The following CHD6 variants were observed in gnomAD, a reference collection of about 807,000 sequenced individuals.
CHD6 encodes the protein ATP-dependent chromatin remodeler CHD6.
In CHD6, 50 loss-of-function variants were observed where a neutral mutation model predicts 276.9. The ratio of observed to expected loss-of-function variants is 0.18; its 90% CI spans 0.14 to 0.23. The LOEUF is 0.23. CHD6 is among the 10% of genes least tolerant of loss of function. CHD6 has a pLI of 1.00. For synonymous variants in CHD6, 1,173 were observed against 1,229.3 expected, an observed-to-expected ratio of 0.95 and a Z score of 0.96; for missense variants, 2,564 against 3,365.8, an observed-to-expected ratio of 0.76 and a Z score of 5.89.
chr20:41,418,522 T>C (rs563165499), intron 31 of CHD6, among the ~76,000 whole-genome samples: 2 of 151,876 alleles, frequency 1.3e-5, no homozygotes, highest in Non-Finnish European at 2.9e-5. Flanking sequence ...AATAGAAAAT[T>C]TAGATTTTAT....
chr20:41,512,289 G>C (rs2044138179), intron 5 of CHD6, among the ~76,000 whole-genome samples: 1 of 151,974 alleles, frequency 6.6e-6, no homozygotes, highest in South Asian at 2.1e-4. Flanking sequence ...TTTAATGAGA[G>C]ACAAGTAAAA....
chr20:41,417,208 T>G lies in CHD6; in HGVS notation c.6269A>C (p.Glu2090Ala), dbSNP rs776031345. Residue 2090 changes from glutamate (E) to alanine (A), a missense_variant, in exon 32 of 37, where the codon GAG (glutamate) becomes GCG (alanine). Glu to Ala is a moderately radical substitution (Grantham distance 107). This residue lies in a region of CHD6 where 1,024 missense variants were observed against 1,047.9 expected (regional missense o/e 0.98). Coordinates refer to ENST00000373233, the MANE Select transcript of CHD6 (RefSeq NM_032221.5). The part of the protein sequence containing the change: ...LQEKTLYSFS[E>A]WPKDRVIINR... ...CAAGCTCTGGGGTACCTTTGGCCAC[T>G]CAGAGAAGGAATAGAGAGTTTTCTC... The G allele has an allele frequency of 1.2e-6, 2 of 1,613,254 alleles. No individual in the cohort carries two copies. Among genetic ancestry groups the G allele is most frequent in the South Asian group, 2.2e-5 (2 of 90,840 alleles).
intron 1 of CHD6, among the ~76,000 whole-genome samples, chr20:41,594,132 A>G (rs776958019): frequency 2.3e-4 from 35 of 152,130 alleles, no homozygotes; most frequent in Non-Finnish European, 1.0e-4. Flanking sequence ...AAGCATCCCT[A>G]TAGTTTTTAT....
intron 1 of CHD6, among the ~76,000 whole-genome samples, chr20:41,585,742 C>G (rs2045587797): frequency 6.6e-6 from 1 of 152,106 alleles, no homozygotes; most frequent in South Asian, 2.1e-4. Context: ...CCAGCATTAC[C>G]TTGACATCAA....
chr20:41,515,559 A>G (rs2044229758), intron 3 of CHD6, among the ~76,000 whole-genome samples: 1 of 152,170 alleles, frequency 6.6e-6, no homozygotes, highest in Non-Finnish European at 1.5e-5. Flanking sequence ...CATTTTCTCT[A>G]AAAGGCCTTT....
intron 1 of CHD6, among the ~76,000 whole-genome samples, chr20:41,571,989 C>T (rs908525531): frequency 6.6e-6 from 1 of 152,206 alleles, no homozygotes. Context: ...ATTAGTTTTA[C>T]CTGTCCTGTG....
At chr20:41,420,241 TG>T (rs2047141139) in intron 31 of CHD6, among the ~76,000 whole-genome samples, 3 of 152,202 alleles carry the variant, frequency 2.0e-5, no homozygotes, top group Admixed American at 1.3e-4. Context: ...TAGCATCTAT[TG>T]AATGAAAACA....
chr20:41,541,492 C>A (rs1027971903), intron 2 of CHD6, among the ~76,000 whole-genome samples: 1 of 151,998 alleles, frequency 6.6e-6, no homozygotes, highest in Admixed American at 6.6e-5. Flanking sequence ...AAAATTTCTA[C>A]AAGAATGAAT....
At position 41,605,557 on chromosome 20, in the gene CHD6, T is replaced by C. The variant is rs2146295089; in HGVS notation, c.-24+12783A>G. Among the ~76,000 whole-genome samples the C allele has an allele frequency of 1.3e-5, 2 of 152,338 alleles. 1 individual carries two copies. Among genetic ancestry groups the C allele is most frequent in the South Asian group, 4.1e-4 (2 of 4,822 alleles). Reference sequence around the variant, plus strand: ...ATTTTTAACATAAACCTTCCATATGTTGTTGGATACTTTACCTGAATTCTT... The same window carrying C: ...ATTTTTAACATAAACCTTCCATATGCTGTTGGATACTTTACCTGAATTCTT... On this transcript the variant is annotated intron_variant, in intron 1 of 36. Transcript: ENST00000373233.
At chr20:41,450,254 G>A (rs1336013802) in intron 23 of CHD6, among the ~76,000 whole-genome samples, 2 of 152,144 alleles carry the variant, frequency 1.3e-5, no homozygotes, top group East Asian at 3.9e-4. Context: ...AGAGGTGTGC[G>A]ACCGGAGGCC....
chr20:41,447,400 C>T (rs2048102924), intron 24 of CHD6, among the ~76,000 whole-genome samples: 2 of 152,162 alleles, frequency 1.3e-5, no homozygotes, highest in South Asian at 4.1e-4. Context: ...GGGATACTCC[C>T]ACAGGATTCT....
intron 2 of CHD6, among the ~76,000 whole-genome samples, chr20:41,548,893 T>C (rs1481799183): frequency 6.6e-6 from 1 of 151,436 alleles, no homozygotes; most frequent in African/African-American, 2.4e-5. Context: ...CATGAAAAAA[T>C]GCTCATCATC....
intron 1 of CHD6, among the ~76,000 whole-genome samples, chr20:41,609,142 G>T (rs569636801): frequency 2.0e-5 from 3 of 152,242 alleles, no homozygotes; most frequent in South Asian, 4.1e-4. Context: ...AAACCCTACA[G>T]CAAGAATTCA....
intron 1 of CHD6, among the ~76,000 whole-genome samples, chr20:41,597,764 T>C (rs1050173798): frequency 6.6e-6 from 1 of 151,932 alleles, no homozygotes; most frequent in African/African-American, 2.4e-5. Context: ...CTACCCCACA[T>C]CTCATTATTA....
At chr20:41,448,546 T>C in intron 23 of CHD6, among the ~76,000 whole-genome samples, 1 of 152,190 alleles carries the variant, frequency 6.6e-6, no homozygotes, top group Non-Finnish European at 1.5e-5. Flanking sequence ...TACTATATGC[T>C]CTGCATCATG....
rs746118955 is a variant in CHD6 at position 41,489,742 on chromosome 20, G to A, written c.1680+36C>T. 17 of 1,612,388 alleles carry A rather than the reference G, an allele frequency of 1.1e-5. No homozygotes were observed. The Admixed American group carries it at 2.8e-4, about 27-fold the overall frequency. Reference sequence around the variant, plus strand: ...GACAGAAAGGCTGTTCTGAGCTTAGGCAGTCCCTGGGTCTCTGATCTCACG... The same window carrying A: ...GACAGAAAGGCTGTTCTGAGCTTAGACAGTCCCTGGGTCTCTGATCTCACG... On this transcript the variant is annotated intron_variant, in intron 12 of 36. Transcript: ENST00000373233.
At chr20:41,591,417 TAC>T (rs1568722022) in intron 1 of CHD6, among the ~76,000 whole-genome samples, 256 of 148,044 alleles carry the variant, frequency 1.7e-3, no homozygotes, top group African/African-American at 6.2e-3. Flanking sequence ...CATATATATA[TAC>T]ATATATATAT....
At chr20:41,426,425 T>C (rs145008239) in intron 27 of CHD6, among the ~76,000 whole-genome samples, 3 of 152,330 alleles carry the variant, frequency 2.0e-5, no homozygotes, top group African/African-American at 7.2e-5. Context: ...AATGATGAAC[T>C]GGCACGCTCT....
At chr20:41,543,968 G>A (rs910380017) in intron 2 of CHD6, among the ~76,000 whole-genome samples, 3 of 152,110 alleles carry the variant, frequency 2.0e-5, no homozygotes, top group African/African-American at 4.8e-5. Flanking sequence ...GGCCAGGCAC[G>A]GTGGCTCATT....
Sources: gnomAD v4.1 joint callset for allele counts (sites outside exome capture counted in the v4.1 genomes callset) on GRCh38, gnomAD v4.1.1 for gene constraint, gnomAD v4.1.1 regional missense constraint, MANE v1.5 for transcripts, NCBI Gene and HGNC (gene_info 2026-07-23, HGNC 2026-07-21) for gene names.